Variants in ATP7B observed in about 807,000 individuals in gnomAD.
ATP7B encodes ATPase copper transporting beta.
ATP7B carries 113 observed loss-of-function variants against 118.9 expected under a neutral mutation model. The ratio of observed to expected loss-of-function variants is 0.95; its 90% CI spans 0.82 to 1.11. ATP7B has a LOEUF of 1.11. ATP7B is among the 50% of genes most tolerant of loss of function. The pLI, the probability that ATP7B is intolerant of heterozygous loss-of-function variation, is 0.00. For missense variants in ATP7B, 1,867 were observed against 1,871.4 expected, an observed-to-expected ratio of 1.00 and a Z score of 0.04; for synonymous variants, 777 against 727.4, an observed-to-expected ratio of 1.07 and a Z score of -1.10.
chr13:51,936,485 G>A (rs1287274711), intron 19 of ATP7B, among the ~76,000 whole-genome samples: 1 of 151,886 alleles, frequency 6.6e-6, no homozygotes, highest in Non-Finnish European at 1.5e-5. Flanking sequence ...TCTTAAGGAG[G>A]GGGAATGAGG....
chr13:51,983,648 C>G (rs995058463), intron 1 of ATP7B, among the ~76,000 whole-genome samples: 2 of 86,898 alleles, frequency 2.3e-5, no homozygotes, highest in African/African-American at 8.3e-5. Context: ...CCAAAAGATA[C>G]CCCATACAAG....
rs748522019 is a variant in ATP7B at position 51,942,379 on chromosome 13, G to C, written c.3412+7C>G. 1 of 1,613,990 alleles carries C rather than the reference G, an allele frequency of 6.2e-7. No individual in the cohort carries two copies. Among genetic ancestry groups the C allele is most frequent in the Non-Finnish European group, 8.5e-7 (1 of 1,180,040 alleles). The stretch of plus-strand genomic sequence containing the variant: ...TAACCAGCTGCAGAGACAAAAGCCA[G>C]CAATACCTTTTTCTGCGGGAAGGCT... On this transcript the variant is annotated splice_region_variant and intron_variant, in intron 15 of 20. Coordinates refer to ENST00000242839, the MANE Select transcript of ATP7B (RefSeq NM_000053.4).
chr13:52,007,184 C>T (rs774439511), intron 1 of ATP7B, among the ~76,000 whole-genome samples: 8 of 152,038 alleles, frequency 5.3e-5, no homozygotes, highest in Non-Finnish European at 7.4e-5. Context: ...GGTAAAAACC[C>T]GGTTCCCATT....
intron 1 of ATP7B, among the ~76,000 whole-genome samples, chr13:52,001,895 A>T (rs1953507826): frequency 6.6e-6 from 1 of 152,008 alleles, no homozygotes; most frequent in East Asian, 1.9e-4. Flanking sequence ...GGCTCAAGTG[A>T]TCCTCCCATC....
chr13:51,965,120 G>A, intron 4 of ATP7B, 87 bp from the exon 5 acceptor site: 1 of 1,544,496 alleles, frequency 6.5e-7, no homozygotes, highest in Non-Finnish European at 8.9e-7. Context: ...GTAACAGGCA[G>A]CCAAGAGCCT....
intron 1 of ATP7B, among the ~76,000 whole-genome samples, chr13:52,008,503 T>C (rs141245481): frequency 2.8e-4 from 43 of 152,240 alleles, no homozygotes; most frequent in African/African-American, 8.2e-4. Context: ...TCAGTCTCCA[T>C]CCTGAAGCTA....
Position 51,933,670 on chromosome 13 carries a change from TTCC to T in ATP7B, c.*1083_*1085del, listed in dbSNP as rs573571073. 7 of 152,302 alleles carry T rather than the reference TTCC, an allele frequency of 4.6e-5. No homozygotes were observed. The South Asian group carries it at 1.2e-3, about 27-fold the overall frequency. The allele number at this position is 152,302 out of a possible 1,614,324, so 9.4% of individuals were successfully genotyped here. A position where few individuals can be genotyped will look rare whatever the true frequency, so the allele number is the denominator to read the frequency against. ...AATGCAGGCTCAGGGAGGCTGTGTT[TTCC>T]TCCTATTTGGGCAGTACCATTTCCT... On this transcript the variant is annotated 3_prime_UTR_variant, in exon 21 of 21. Transcript: ENST00000242839.
chr13:51,983,622 C>T (rs895549128), intron 1 of ATP7B, among the ~76,000 whole-genome samples: 2 of 149,814 alleles, frequency 1.3e-5, no homozygotes, highest in East Asian at 3.9e-4. Context: ...GACCAGGAGA[C>T]ACCCCCCAGC....
At chr13:51,942,232 G>C (rs1192128503) in intron 15 of ATP7B, among the ~76,000 whole-genome samples, 154 bp downstream of exon 15, 2 of 152,164 alleles carry the variant, frequency 1.3e-5, no homozygotes, top group Non-Finnish European at 2.9e-5. Flanking sequence ...AAGAACATAA[G>C]AGAAACTTTC....
chr13:51,959,508 CAAAA>C (rs1164449623), intron 7 of ATP7B: 7 of 58,238 alleles, frequency 1.2e-4, no homozygotes, highest in South Asian at 7.0e-4. Context: ...GACCCTGTCT[CAAAA>C]AAAAAAAAAA....
intron 13 of ATP7B, 99 bp downstream of exon 13, chr13:51,946,185 G>T: frequency 6.9e-7 from 1 of 1,454,678 alleles, no homozygotes; most frequent in Non-Finnish European, 9.3e-7. Context: ...AATTAACACT[G>T]CTGTCTTGAG....
At chr13:51,958,937 G>C (rs1043511506) in intron 7 of ATP7B, 2 of 270,460 alleles carry the variant, frequency 7.4e-6, no homozygotes, top group South Asian at 4.6e-5. Context: ...AAGTGAAAAA[G>C]CCAGCTGCAC....
chr13:51,962,278 T>C (rs1411701124), intron 5 of ATP7B, among the ~76,000 whole-genome samples: 1 of 152,148 alleles, frequency 6.6e-6, no homozygotes, highest in African/African-American at 2.4e-5. Context: ...GCCCCACCCT[T>C]CTCAGAAGAG....
At chr13:51,988,103 T>C (rs1175907266) in intron 1 of ATP7B, among the ~76,000 whole-genome samples, 1 of 151,776 alleles carries the variant, frequency 6.6e-6, no homozygotes, top group Admixed American at 6.6e-5. Context: ...AAAGAAACTA[T>C]CATCAGAGTG....
intron 8 of ATP7B, 160 bp downstream of exon 8, chr13:51,958,151 A>T: frequency 1.3e-6 from 1 of 788,870 alleles, no homozygotes; most frequent in Non-Finnish European, 2.0e-6. Flanking sequence ...ACCAATTTGG[A>T]GATTAGTGAC....
intron 17 of ATP7B, among the ~76,000 whole-genome samples, chr13:51,938,315 G>A (rs1450766367): frequency 6.6e-6 from 1 of 152,200 alleles, no homozygotes; most frequent in Non-Finnish European, 1.5e-5. Context: ...AGCCCGTCAA[G>A]GGCAGACCCC....
At position 51,972,708 on chromosome 13, in the gene ATP7B, C is replaced by T. The variant is rs549843592; in HGVS notation, c.1285+1227G>A. Among the ~76,000 whole-genome samples, 10 of 152,302 alleles carry T rather than the reference C, an allele frequency of 6.6e-5. No homozygotes were observed. In the East Asian group the frequency reaches 1.5e-3, roughly 24 times the overall value. ...ACTTCGTGCTTCCTCTGATTAAAAC[C>T]CATGATGGTGGCTGAGCATAGTGGC... On this transcript the variant is annotated intron_variant, in intron 2 of 20. Coordinates refer to ENST00000242839, the MANE Select transcript of ATP7B (RefSeq NM_000053.4).
chr13:51,984,591 G>A (rs1200703002), intron 1 of ATP7B, among the ~76,000 whole-genome samples: 1 of 152,068 alleles, frequency 6.6e-6, no homozygotes, highest in Non-Finnish European at 1.5e-5. Flanking sequence ...CTCAAGAAGA[G>A]CAACCCCAAG....
chr13:51,960,007 A>G, intron 7 of ATP7B, 141 bp downstream of exon 7: 2 of 1,214,822 alleles, frequency 1.6e-6, no homozygotes, highest in Non-Finnish European at 2.4e-6. Context: ...AAAAGCAGCA[A>G]CTGCCTGGGT....
Sources: allele counts gnomAD v4.1 joint callset (sites outside exome capture counted in the v4.1 genomes callset), GRCh38; gene constraint gnomAD v4.1.1; transcripts MANE v1.5; gene names NCBI Gene and HGNC (gene_info 2026-07-23, HGNC 2026-07-21).